The following DCK variants were observed in gnomAD, a reference collection of about 807,000 sequenced individuals.
The protein encoded by DCK is deoxyadenosine kinase.
In DCK, 23 loss-of-function variants were observed where a neutral mutation model predicts 38.3. That is an observed-to-expected ratio of 0.60 (90% CI 0.43 to 0.85). The LOEUF is 0.85. Among genes scored for constraint, DCK ranks in the 40% least tolerant of loss-of-function variants. DCK has a pLI of 0.00. For synonymous variants in DCK, 108 were observed against 100.6 expected (o/e 1.07, Z -0.44); for missense variants, 259 against 304.4 (o/e 0.85, Z 1.11).
At chr4:71,029,146 G>A (rs528134367) in intron 6 of DCK, among the ~76,000 whole-genome samples, 1 of 152,248 alleles carries the variant, frequency 6.6e-6, no homozygotes, top group Admixed American at 6.5e-5. Context: ...CACCCATCTC[G>A]GCCTCCCAAA....
intron 3 of DCK, among the ~76,000 whole-genome samples, chr4:71,023,032 C>T (rs1030219094): frequency 2.0e-5 from 3 of 152,016 alleles, no homozygotes; most frequent in Non-Finnish European, 4.4e-5. Context: ...TAATAACTAT[C>T]GAGGTGTCCA....
intron 2 of DCK, among the ~76,000 whole-genome samples, chr4:71,012,976 A>C (rs1740143097): frequency 6.6e-6 from 1 of 152,246 alleles, no homozygotes; most frequent in South Asian, 2.1e-4. Flanking sequence ...GAGCTAAAGG[A>C]GGAAGTTCGA....
intron 2 of DCK, among the ~76,000 whole-genome samples, chr4:71,009,190 G>T (rs1019618824): frequency 2.6e-5 from 4 of 152,164 alleles, no homozygotes; most frequent in Non-Finnish European, 5.9e-5. Flanking sequence ...CAAGGATTCG[G>T]GTGCTTTTTA....
At chr4:71,028,450 C>T (rs1310127866) in intron 6 of DCK, among the ~76,000 whole-genome samples, 2 of 152,054 alleles carry the variant, frequency 1.3e-5, no homozygotes, top group East Asian at 1.9e-4. Context: ...AAAAACTAGC[C>T]AGACATGATG....
rs2148916990 is a variant in DCK at position 71,015,812 on chromosome 4, C to T, written c.208-6555C>T. Among the ~76,000 whole-genome samples the T allele has an allele frequency of 2.0e-5, 3 of 152,204 alleles. No homozygotes were observed. The East Asian group carries it at 5.8e-4, about 29-fold the overall frequency. The stretch of plus-strand genomic sequence containing the variant: ...ATAATAGGAGCTATTTATGACAAAC[C>T]CACAGCCAATATCACACTGAATGGG... On this transcript the variant is annotated intron_variant, in intron 2 of 6. Coordinates refer to ENST00000286648, the MANE Select transcript of DCK (RefSeq NM_000788.3).
chr4:71,013,621 A>T (rs1231338810), intron 2 of DCK, among the ~76,000 whole-genome samples: 1 of 152,188 alleles, frequency 6.6e-6, no homozygotes, highest in Non-Finnish European at 1.5e-5. Context: ...TCTTAAAGAA[A>T]CGAATTTGCA....
rs1006034549 is a variant in DCK at position 70,994,066 on chromosome 4, C to T, written c.91+140C>T. 33 of 689,598 alleles carry T rather than the reference C, an allele frequency of 4.8e-5. No homozygotes were observed. The African/African-American group carries it at 5.0e-4, about 10-fold the overall frequency. 42.7% of individuals were successfully genotyped at this position (689,598 alleles called of 1,614,324 possible). On this transcript the variant is annotated intron_variant, in intron 1 of 6. Transcript: ENST00000286648. ...GCGGTGTGGACGCGGCCTCGGCTTC[C>T]TTTCCCACCCAGAGCATCCTTCCCT...
chr4:71,001,308 G>A (rs968225939), intron 2 of DCK, among the ~76,000 whole-genome samples: 9 of 152,128 alleles, frequency 5.9e-5, no homozygotes, highest in Admixed American at 5.2e-4. Context: ...TGAGTATGTT[G>A]AACCAGCCCT....
intron 4 of DCK, among the ~76,000 whole-genome samples, chr4:71,024,566 C>T (rs1219529036): frequency 1.3e-5 from 2 of 151,958 alleles, no homozygotes; most frequent in East Asian, 1.9e-4. Flanking sequence ...GTGTTGCTGT[C>T]GAAGCTGGGT....
chr4:70,994,883 C>G (rs1464073492), intron 1 of DCK, among the ~76,000 whole-genome samples: 2 of 152,198 alleles, frequency 1.3e-5, no homozygotes, highest in Non-Finnish European at 2.9e-5. Flanking sequence ...TACACACCAA[C>G]GTCCGATTCT....
intron 2 of DCK, among the ~76,000 whole-genome samples, chr4:70,998,982 TTTAAG>T (rs1739724654): frequency 6.6e-6 from 1 of 152,072 alleles, no homozygotes; most frequent in African/African-American, 2.4e-5. Context: ...ATTTATGCAC[TTTAAG>T]TAAAGTATAA....
intron 2 of DCK, among the ~76,000 whole-genome samples, chr4:71,017,834 C>T (rs536870561): frequency 7.9e-4 from 119 of 151,382 alleles, no homozygotes; most frequent in Non-Finnish European, 1.5e-3. Flanking sequence ...ATGTAAATGG[C>T]GAGTTAATGG....
At chr4:71,000,656 T>G (rs373112492) in intron 2 of DCK, among the ~76,000 whole-genome samples, 13 of 152,376 alleles carry the variant, frequency 8.5e-5, no homozygotes, top group South Asian at 4.1e-4. Context: ...TCTATGAGCA[T>G]GGAATGTTTT....
intron 6 of DCK, 52 bp from the exon 7 acceptor site, chr4:71,029,300 A>G (rs1446140903): frequency 1.6e-6 from 2 of 1,230,240 alleles, no homozygotes; most frequent in East Asian, 4.7e-5. Context: ...AATATTAGAT[A>G]CCTCAAATTA....
At chr4:71,008,337 A>AT (rs1739999623) in intron 2 of DCK, among the ~76,000 whole-genome samples, 2 of 151,876 alleles carry the variant, frequency 1.3e-5, no homozygotes, top group Admixed American at 6.6e-5. Context: ...AGTGTTTACT[A>AT]TTTTTTTGTT....
In DCK at chr4:70,998,095, C is replaced by A. The variant is rs944159528; in HGVS notation, c.120C>A (p.Ile40=). ...CAGGGAAGTCAACATTTGTGAATAT[C>A]CTTAAACAATTGTGTGAAGATTGGG... The part of the protein sequence containing the change: ...IAAGKSTFVN[I]LKQLCEDWEV... The change falls in exon 2 of 7, where the codon ATC becomes ATA. Residue 40 remains isoleucine, a synonymous_variant. Coordinates refer to ENST00000286648, the MANE Select transcript of DCK (RefSeq NM_000788.3). 3.1e-6 allele frequency: 5 copies of A among 1,603,408 alleles called. No individual in the cohort carries two copies. In the African/African-American group the frequency reaches 4.0e-5, roughly 13 times the overall value.
At chr4:71,005,630 C>G (rs1739921223) in intron 2 of DCK, among the ~76,000 whole-genome samples, 1 of 151,408 alleles carries the variant, frequency 6.6e-6, no homozygotes, top group African/African-American at 2.4e-5. Flanking sequence ...CCTCAGCCTC[C>G]CAAGTAGCTG....
chr4:71,010,045 G>A (rs549711484), intron 2 of DCK, among the ~76,000 whole-genome samples: 1 of 152,138 alleles, frequency 6.6e-6, no homozygotes, highest in South Asian at 2.1e-4. Flanking sequence ...CTACTTTGAT[G>A]TTCTTGTTTC....
Position 71,026,045 on chromosome 4 carries a change from G to C in DCK, c.665+114G>C, listed in dbSNP as rs1258491616. Reference sequence around the variant, plus strand: ...AATATGTAAAATTTCCAGTCGTTTTGCTTATTGGTATCTTCCAGAACTAGG... The same window carrying C: ...AATATGTAAAATTTCCAGTCGTTTTCCTTATTGGTATCTTCCAGAACTAGG... On this transcript the variant is annotated intron_variant, in intron 5 of 6. Coordinates refer to ENST00000286648, the MANE Select transcript of DCK (RefSeq NM_000788.3). 2.4e-6 allele frequency: 3 copies of C among 1,249,744 alleles called. No individual in the cohort carries two copies. The Admixed American group carries it at 1.0e-4, about 42-fold the overall frequency. The allele number at this position is 1,249,744 out of a possible 1,614,324, so 77.4% of individuals were successfully genotyped here. A position where few individuals can be genotyped will look rare whatever the true frequency, so the allele number is the denominator to read the frequency against.
Sources: allele counts gnomAD v4.1 joint callset (sites outside exome capture counted in the v4.1 genomes callset), GRCh38; gene constraint gnomAD v4.1.1; transcripts MANE v1.5; gene names NCBI Gene and HGNC (gene_info 2026-07-23, HGNC 2026-07-21).